PIWIL1: variants seen among roughly 807,000 people sequenced by gnomAD.
PIWIL1 encodes the protein piwi-like protein 1.
Under a neutral mutation model 114.4 loss-of-function variants are expected in PIWIL1, and 73 were observed. The observed-to-expected ratio is 0.64, with a 90% CI of 0.53 to 0.78. The LOEUF (loss-of-function observed/expected upper bound fraction) is 0.78, where lower values mean the gene tolerates loss of function less well. Ranked by LOEUF, PIWIL1 falls within the 30% of genes least tolerant of loss-of-function variation. PIWIL1 has a pLI of 0.00. For synonymous variants in PIWIL1, 375 were observed against 369.0 expected (o/e 1.02, Z -0.19); for missense variants, 723 against 1,063.1 (o/e 0.68, Z 4.45).
At chr12:130,362,052 G>A (rs1354896153) in intron 16 of PIWIL1, among the ~76,000 whole-genome samples, 1 of 152,202 alleles carries the variant, frequency 6.6e-6, no homozygotes, top group African/African-American at 2.4e-5. Flanking sequence ...GTTGACATTA[G>A]TAATGGATAT....
chr12:130,360,235 T>C (rs1344301356), intron 14 of PIWIL1, among the ~76,000 whole-genome samples: 1 of 152,210 alleles, frequency 6.6e-6, no homozygotes, highest in Non-Finnish European at 1.5e-5. Flanking sequence ...TATTATGTTA[T>C]CTGGGTAATG....
At chr12:130,402,058 T>C in the PIWIL1 span, among the ~76,000 whole-genome samples, 1 of 152,212 alleles carries the variant, frequency 6.6e-6, no homozygotes, top group Admixed American at 6.5e-5. Flanking sequence ...TCTTTTGGGC[T>C]GAACACACAC....
chr12:130,384,318 T>C, the PIWIL1 span, among the ~76,000 whole-genome samples: 210 of 152,312 alleles, frequency 1.4e-3, 1 homozygote, highest in Non-Finnish European at 2.8e-4. Flanking sequence ...AAATTTGTAA[T>C]TAATGAAATC....
chr12:130,391,169 C>T, the PIWIL1 span, among the ~76,000 whole-genome samples: 1 of 152,230 alleles, frequency 6.6e-6, no homozygotes, highest in African/African-American at 2.4e-5. Context: ...GGACAACCAG[C>T]AGCACATGGG....
chr12:130,410,216 A>G, the PIWIL1 span, among the ~76,000 whole-genome samples: 2 of 152,166 alleles, frequency 1.3e-5, no homozygotes, highest in African/African-American at 2.4e-5. Context: ...TATTTTGTAC[A>G]TATTTTTATT....
In PIWIL1 at chr12:130,354,095, G is replaced by A. The variant is rs368317906; in HGVS notation, c.1045-442G>A. Among the ~76,000 whole-genome samples the A allele has an allele frequency of 3.9e-4, 59 of 152,228 alleles. 1 individual carries two copies. Among genetic ancestry groups the A allele is most frequent in the African/African-American group, 1.2e-3 (50 of 41,532 alleles). On this transcript the variant is annotated intron_variant, in intron 9 of 20. Coordinates refer to ENST00000245255, the MANE Select transcript of PIWIL1 (RefSeq NM_004764.5). ...TTTCTGATTAAACCTGCCCTGTAGC[G>A]TAGGAACTTCTTCCTTTCCCCTCTG... is the stretch of plus-strand genomic sequence containing the variant.
chr12:130,409,585 C>T, the PIWIL1 span, among the ~76,000 whole-genome samples: 3 of 151,980 alleles, frequency 2.0e-5, no homozygotes, highest in South Asian at 2.1e-4. Flanking sequence ...CCTCATGATC[C>T]GCCCACCTCG....
At chr12:130,371,113 TAAGA>T in intron 19 of PIWIL1, 59 bp from the exon 20 acceptor site, 1 of 1,403,714 alleles carries the variant, frequency 7.1e-7, no homozygotes, top group Non-Finnish European at 1.0e-6. Flanking sequence ...CTTTTCACTG[TAAGA>T]AACTGGAATC....
At chr12:130,378,147 T>C in the PIWIL1 span, among the ~76,000 whole-genome samples, 4 of 152,336 alleles carry the variant, frequency 2.6e-5, no homozygotes, top group East Asian at 7.7e-4. Flanking sequence ...CCACAAAGGT[T>C]CCATCTTGCC....
chr12:130,396,148 A>C, the PIWIL1 span: 1 of 152,794 alleles, frequency 6.5e-6, no homozygotes. Flanking sequence ...TAAAATAACA[A>C]ATTTTATTTC....
chr12:130,422,634 A>C, the PIWIL1 span: 6 of 1,107,140 alleles, frequency 5.4e-6, no homozygotes, highest in East Asian at 1.5e-4. This position sits in a 1 kb window ranked among gnomAD's most constrained non-coding sequence, Gnocchi z 5.2. Context: ...TAGCCAAATC[A>C]AGCGGGTTGA....
intron 9 of PIWIL1, among the ~76,000 whole-genome samples, chr12:130,350,180 G>C (rs3736332): frequency 0.17 from 26,114 of 152,070 alleles, 2,433 homozygotes; most frequent in South Asian, 0.23. Context: ...CCCTCTCCTG[G>C]TTCCCTTTTT....
At position 130,355,615 on chromosome 12, in the gene PIWIL1, C is replaced by T; in HGVS notation, c.1352C>T (p.Ser451Phe). The change falls in exon 12 of 21, where the codon TCC becomes TTC. Residue 451 changes from serine to phenylalanine, a missense_variant. Ser to Phe is a radical substitution (Grantham distance 155). Transcript: ENST00000245255. ...TTGAGCTTTGATTCCAACTTACTGT[C>T]CTTCTCAGGAAGAATTTTGCAAACA... ...WGLSFDSNLL[S>F]FSGRILQTEK... 1.2e-6 allele frequency: 2 copies of T among 1,614,166 alleles called. No individual in the cohort carries two copies. Among genetic ancestry groups the T allele is most frequent in the Middle Eastern group, 1.6e-4 (1 of 6,062 alleles).
At chr12:130,382,006 ATTG>A in the PIWIL1 span, among the ~76,000 whole-genome samples, 2 of 152,116 alleles carry the variant, frequency 1.3e-5, no homozygotes, top group Non-Finnish European at 2.9e-5. Flanking sequence ...CTGTTGTCTC[ATTG>A]TTGAGTTGTA....
intron 13 of PIWIL1, 105 bp downstream of exon 13, chr12:130,357,210 A>C (rs2136166081): frequency 1.1e-6 from 1 of 931,436 alleles, no homozygotes; most frequent in African/African-American, 1.7e-5. Flanking sequence ...GAAAGGTTTG[A>C]TGTGGCTCCC....
chr12:130,418,926 G>C, the PIWIL1 span, among the ~76,000 whole-genome samples: 2 of 152,196 alleles, frequency 1.3e-5, no homozygotes, highest in African/African-American at 2.4e-5. Flanking sequence ...CCCAACGAAG[G>C]CTCCTTCCAG....
intron 1 of PIWIL1, among the ~76,000 whole-genome samples, chr12:130,341,821 T>C (rs1202238736): frequency 2.0e-5 from 3 of 152,234 alleles, no homozygotes; most frequent in African/African-American, 7.2e-5. Context: ...GAGAGATTGT[T>C]ACAGCTGAGC....
chr12:130,363,590 C>G (rs2073571894), intron 18 of PIWIL1, among the ~76,000 whole-genome samples: 1 of 140,588 alleles, frequency 7.1e-6, no homozygotes, highest in South Asian at 2.4e-4. Context: ...TCTCATGGGG[C>G]AGGGGTAGTT....
At chr12:130,406,945 C>T in the PIWIL1 span, among the ~76,000 whole-genome samples, 1 of 152,224 alleles carries the variant, frequency 6.6e-6, no homozygotes, top group East Asian at 1.9e-4. Flanking sequence ...CCAGCCTAAA[C>T]ATCTCTTTAT....
Sources: allele counts gnomAD v4.1 joint callset (sites outside exome capture counted in the v4.1 genomes callset), GRCh38; gene constraint gnomAD v4.1.1; non-coding constraint Gnocchi (gnomAD v3.1); transcripts MANE v1.5; gene names NCBI Gene and HGNC (gene_info 2026-07-23, HGNC 2026-07-21).